CD58: variants seen among roughly 807,000 people sequenced by gnomAD.
The protein encoded by CD58 is CD58 molecule.
Under a neutral mutation model 27.6 loss-of-function variants are expected in CD58, and 14 were observed. The observed-to-expected ratio is 0.51, with a 90% CI of 0.34 to 0.79. The LOEUF (loss-of-function observed/expected upper bound fraction) is 0.79, where lower values mean the gene tolerates loss of function less well. Ranked by LOEUF, CD58 falls within the 30% of genes least tolerant of loss-of-function variation. The probability of loss-of-function intolerance (pLI) is 0.02; values close to 1 mark genes in which losing one functional copy is unlikely to be tolerated. For missense variants in CD58, 268 were observed against 301.7 expected (o/e 0.89, Z 0.83); for synonymous variants, 117 against 103.8 (o/e 1.13, Z -0.77).
rs915653830 is a variant in CD58 at position 116,517,001 on chromosome 1, T to C, written c.744-2179A>G. On this transcript the variant is annotated intron_variant, in intron 5 of 5. Coordinates refer to ENST00000369489, the MANE Select transcript of CD58 (RefSeq NM_001779.3). This position sits in a 1 kb window ranked among gnomAD's most constrained non-coding sequence, Gnocchi z 6.5. ...CGCATAATCTCCATAACGTTTGTTG[T>C]GATGAAAGGAACAGAGGAAGGGATG... Among the ~76,000 whole-genome samples the C allele has an allele frequency of 5.9e-5, 9 of 152,114 alleles. No homozygotes were observed. Among genetic ancestry groups the C allele is most frequent in the Admixed American group, 1.3e-4 (2 of 15,286 alleles).
intron 5 of CD58, among the ~76,000 whole-genome samples, chr1:116,518,070 C>T (rs1438747802): frequency 1.3e-5 from 2 of 152,152 alleles, no homozygotes; most frequent in African/African-American, 4.8e-5. Flanking sequence ...ACAGTTATTT[C>T]TATGTGATTA....
intron 1 of CD58, among the ~76,000 whole-genome samples, chr1:116,556,255 GAAAAAA>G (rs1158092746): frequency 1.0e-4 from 3 of 29,832 alleles, no homozygotes; most frequent in African/African-American, 2.0e-4. Context: ...CTCCATCTCA[GAAAAAA>G]AAAAAAAAAA....
chr1:116,565,969 G>A (rs1018733307), intron 1 of CD58, among the ~76,000 whole-genome samples: 8 of 152,046 alleles, frequency 5.3e-5, no homozygotes, highest in African/African-American at 1.9e-4. Context: ...CGCCCGCCTT[G>A]GCCTCCCAAA....
In CD58 at chr1:116,531,348, A is replaced by G. The variant is rs528673941; in HGVS notation, c.628+4617T>C. Among the ~76,000 whole-genome samples, 5 of 152,354 alleles carry G rather than the reference A, an allele frequency of 3.3e-5. No individual in the cohort carries two copies. The highest frequency in any genetic ancestry group is 7.3e-5 in the Non-Finnish European group (5 of 68,030). ...AAGTATTTTGTCTCTTGGAACACTTAAAACTTTTCAAGATTTCAACTTGCT... is the reference window on the plus strand; with the variant it reads ...AAGTATTTTGTCTCTTGGAACACTTGAAACTTTTCAAGATTTCAACTTGCT... On this transcript the variant is annotated intron_variant, in intron 3 of 5. Coordinates refer to ENST00000369489, the MANE Select transcript of CD58 (RefSeq NM_001779.3). This position sits in a 1 kb window ranked among gnomAD's most constrained non-coding sequence, Gnocchi z 4.5.
In CD58 at chr1:116,559,159, A is replaced by G. The variant is rs1658673811; in HGVS notation, c.70+11744T>C. Among the ~76,000 whole-genome samples, 1 of 152,194 alleles carries G rather than the reference A, an allele frequency of 6.6e-6. No individual in the cohort carries two copies. Among genetic ancestry groups the G allele is most frequent in the African/African-American group, 2.4e-5 (1 of 41,448 alleles). ...AAAGGAGTTGGATGGCATGGGGGGC[A>G]GTCATAAGTTGGCATCTGAGCAGAG... On this transcript the variant is annotated intron_variant, in intron 1 of 5. Coordinates refer to ENST00000369489, the MANE Select transcript of CD58 (RefSeq NM_001779.3). The surrounding 1 kb of genome is among the most constrained non-coding windows in gnomAD (Gnocchi z 4.4).
chr1:116,567,979 G>A (rs1658998444), intron 1 of CD58, among the ~76,000 whole-genome samples: 1 of 148,922 alleles, frequency 6.7e-6, no homozygotes, highest in Admixed American at 6.7e-5. Flanking sequence ...GAAACAAGCA[G>A]GCAATCCACA....
chr1:116,514,537 C>T lies in CD58; in HGVS notation c.*276G>A. Reference sequence around the variant, plus strand: ...AAACAGTAGCCAAACCACCTAGTCACTTGTGTACATATTTACATTTATTTA... The same window carrying T: ...AAACAGTAGCCAAACCACCTAGTCATTTGTGTACATATTTACATTTATTTA... On this transcript the variant is annotated 3_prime_UTR_variant, in exon 6 of 6. Coordinates refer to ENST00000369489, the MANE Select transcript of CD58 (RefSeq NM_001779.3). 1 of 370,666 alleles carries T rather than the reference C, an allele frequency of 2.7e-6. No individual in the cohort carries two copies. The highest frequency in any genetic ancestry group is 4.9e-6 in the Non-Finnish European group (1 of 204,156). 23.0% of individuals were successfully genotyped at this position (370,666 alleles called of 1,614,324 possible).
Position 116,541,290 on chromosome 1 carries a change from G to A in CD58, c.364+3021C>T, listed in dbSNP as rs1347288546. Among the ~76,000 whole-genome samples the A allele has an allele frequency of 6.6e-6, 1 of 152,132 alleles. No homozygotes were observed. The highest frequency in any genetic ancestry group is 1.9e-4 in the East Asian group (1 of 5,194). On this transcript the variant is annotated intron_variant, in intron 2 of 5. Transcript: ENST00000369489. This position sits in a 1 kb window ranked among gnomAD's most constrained non-coding sequence, Gnocchi z 5.3. Reference sequence around the variant, plus strand: ...AAATTATCAGATCCCCAATGTCCATGTTTCAAAGATTCTACTTTTTCAAGG... The same window carrying A: ...AAATTATCAGATCCCCAATGTCCATATTTCAAAGATTCTACTTTTTCAAGG...
At chr1:116,520,284 G>C (rs1213820566) in intron 4 of CD58, among the ~76,000 whole-genome samples, 2 of 151,626 alleles carry the variant, frequency 1.3e-5, no homozygotes, top group Non-Finnish European at 2.9e-5. Flanking sequence ...GCTAATTTTT[G>C]TATTTTTTTG....
chr1:116,569,666 A>G (rs1659056463), intron 1 of CD58, among the ~76,000 whole-genome samples: 2 of 149,796 alleles, frequency 1.3e-5, no homozygotes, highest in African/African-American at 5.0e-5. Context: ...CAGTGGCACA[A>G]TCACAGCTCA....
At chr1:116,525,867 T>C (rs756670627) in intron 3 of CD58, among the ~76,000 whole-genome samples, 4 of 152,196 alleles carry the variant, frequency 2.6e-5, no homozygotes, top group South Asian at 2.1e-4. Flanking sequence ...GCCAGGCTGG[T>C]CTTGAACTCC....
In CD58 at chr1:116,534,558, G is replaced by A. The variant is rs928956566; in HGVS notation, c.628+1407C>T. Among the ~76,000 whole-genome samples, 2 of 152,148 alleles carry A rather than the reference G, an allele frequency of 1.3e-5. No homozygotes were observed. Among genetic ancestry groups the A allele is most frequent in the African/African-American group, 4.8e-5 (2 of 41,438 alleles). ...GAAGCCGCCCGCAGCGCAGAACAAAGCGACTTGACCTTCAGGGCAGTGGGC... is the reference window on the plus strand; with the variant it reads ...GAAGCCGCCCGCAGCGCAGAACAAAACGACTTGACCTTCAGGGCAGTGGGC... On this transcript the variant is annotated intron_variant, in intron 3 of 5. Transcript: ENST00000369489. This position sits in a 1 kb window ranked among gnomAD's most constrained non-coding sequence, Gnocchi z 5.3.
intron 3 of CD58, chr1:116,533,470 C>A: frequency 1.3e-6 from 1 of 743,848 alleles, no homozygotes. Context: ...AAGTGGAACT[C>A]TTAATATGAA....
chr1:116,570,893 C>A lies in CD58; in HGVS notation c.70+10G>T. ...GCCGGCGCGGGGCCCCTGGGGCAGGCTTCACTCACCAAAGCAGTGCAGCAG... is the reference window on the plus strand; with the variant it reads ...GCCGGCGCGGGGCCCCTGGGGCAGGATTCACTCACCAAAGCAGTGCAGCAG... On this transcript the variant is annotated intron_variant, in intron 1 of 5. Coordinates refer to ENST00000369489, the MANE Select transcript of CD58 (RefSeq NM_001779.3). The surrounding 1 kb of genome is among the most constrained non-coding windows in gnomAD (Gnocchi z 6.4). 5 of 1,551,766 alleles carry A rather than the reference C, an allele frequency of 3.2e-6. No homozygotes were observed. Among genetic ancestry groups the A allele is most frequent in the East Asian group, 2.4e-5 (1 of 41,468 alleles).
rs1557830767 is a variant in CD58, at chr1:116,516,888, A to G, written c.744-2066T>C. Reference sequence around the variant, plus strand: ...ACAAGCTTCTTGTGGGAGGAGCCCTATTATATGCTTTCTCTGAATCCCACA... The same window carrying G: ...ACAAGCTTCTTGTGGGAGGAGCCCTGTTATATGCTTTCTCTGAATCCCACA... On this transcript the variant is annotated intron_variant, in intron 5 of 5. Transcript: ENST00000369489. This position sits in a 1 kb window ranked among gnomAD's most constrained non-coding sequence, Gnocchi z 6.1. Among the ~76,000 whole-genome samples, 3 of 152,110 alleles carry G rather than the reference A, an allele frequency of 2.0e-5. No individual in the cohort carries two copies. The highest frequency in any genetic ancestry group is 6.6e-5 in the Admixed American group (1 of 15,264).
Position 116,516,101 on chromosome 1 carries a change from G to A in CD58, c.744-1279C>T, listed in dbSNP as rs894602470. Among the ~76,000 whole-genome samples the A allele has an allele frequency of 5.9e-5, 9 of 151,946 alleles. No homozygotes were observed. The highest frequency in any genetic ancestry group is 2.2e-4 in the African/African-American group (9 of 41,312). The stretch of plus-strand genomic sequence containing the variant: ...CTGGTCTCTTAACTCCTGGGCTCAA[G>A]AAATCCTCCCACTAACTCCTAAACT... On this transcript the variant is annotated intron_variant, in intron 5 of 5. Coordinates refer to ENST00000369489, the MANE Select transcript of CD58 (RefSeq NM_001779.3). This position sits in a 1 kb window ranked among gnomAD's most constrained non-coding sequence, Gnocchi z 6.1.
intron 1 of CD58, among the ~76,000 whole-genome samples, chr1:116,555,421 G>C (rs1658529614): frequency 6.6e-6 from 1 of 152,180 alleles, no homozygotes; most frequent in African/African-American, 2.4e-5. Flanking sequence ...AACTGGGTGA[G>C]AACTGGGCAT....
chr1:116,563,868 T>A lies in CD58; in HGVS notation c.70+7035A>T, dbSNP rs58899658. On this transcript the variant is annotated intron_variant, in intron 1 of 5. Transcript: ENST00000369489. This position sits in a 1 kb window ranked among gnomAD's most constrained non-coding sequence, Gnocchi z 4.1. ...CCTGGAGACATTTTCCCCATTGTCT[T>A]CGTGATTAACATTTGGCTCCTCATT... 9.2e-3 allele frequency among the ~76,000 whole-genome samples: 1,404 copies of A among 152,344 alleles called. 33 individuals carry two copies. Among genetic ancestry groups the A allele is most frequent in the African/African-American group, 0.032 (1,331 of 41,578 alleles).
chr1:116,569,565 C>T (rs1571097828), intron 1 of CD58, among the ~76,000 whole-genome samples: 1 of 151,030 alleles, frequency 6.6e-6, no homozygotes, highest in Non-Finnish European at 1.5e-5. Context: ...AAAGAGACTG[C>T]CTTCTTCTTC....
Sources: allele counts gnomAD v4.1 joint callset (sites outside exome capture counted in the v4.1 genomes callset), GRCh38; gene constraint gnomAD v4.1.1; non-coding constraint Gnocchi (gnomAD v3.1); transcripts MANE v1.5; gene names NCBI Gene and HGNC (gene_info 2026-07-23, HGNC 2026-07-21).